SIPA1L3: variants seen among roughly 807,000 people sequenced by gnomAD.
SIPA1L3 encodes signal-induced proliferation-associated 1-like protein 3.
Under a neutral mutation model 150.1 loss-of-function variants are expected in SIPA1L3, and 59 were observed. That is an observed-to-expected ratio of 0.39 (90% CI 0.32 to 0.49). The LOEUF (loss-of-function observed/expected upper bound fraction) is 0.49. SIPA1L3 is among the 20% of genes least tolerant of loss of function. The pLI, the probability that SIPA1L3 is intolerant of heterozygous loss-of-function variation, is 0.86. For missense variants in SIPA1L3, 2,211 were observed against 2,489.5 expected (o/e 0.89, Z 2.38); for synonymous variants, 1,070 against 1,077.6 (o/e 0.99, Z 0.14).
intron 8 of SIPA1L3, among the ~76,000 whole-genome samples, 187 bp downstream of exon 8, chr19:38,110,571 G>C (rs949196109): frequency 1.3e-5 from 2 of 152,154 alleles, no homozygotes; most frequent in Non-Finnish European, 1.5e-5. Context: ...CCCCACTTTT[G>C]CTAAGGAAAC....
At chr19:37,974,783 C>A (rs928073860) in intron 1 of SIPA1L3, among the ~76,000 whole-genome samples, 2 of 152,196 alleles carry the variant, frequency 1.3e-5, no homozygotes, top group African/African-American at 4.8e-5. Context: ...CCAACAGCAC[C>A]ATCAGACACA....
chr19:37,916,156 A>C (rs1321010427), intron 1 of SIPA1L3, among the ~76,000 whole-genome samples: 2 of 151,840 alleles, frequency 1.3e-5, no homozygotes, highest in African/African-American at 4.8e-5. Context: ...CCTCCACAGT[A>C]GCTGGGATTA....
chr19:38,102,262 G>T (rs1970521643), intron 6 of SIPA1L3, among the ~76,000 whole-genome samples: 1 of 145,902 alleles, frequency 6.9e-6, no homozygotes, highest in African/African-American at 2.6e-5. Context: ...GGCCAGGTTG[G>T]TCTTGAACTG....
intron 1 of SIPA1L3, among the ~76,000 whole-genome samples, chr19:38,018,537 C>T (rs1402127286): frequency 1.3e-5 from 2 of 152,094 alleles, no homozygotes; most frequent in Non-Finnish European, 2.9e-5. Flanking sequence ...CTTTTGTGAC[C>T]GGCTTTCACT....
At chr19:38,091,801 T>C (rs1970265091) in intron 4 of SIPA1L3, among the ~76,000 whole-genome samples, 1 of 152,080 alleles carries the variant, frequency 6.6e-6, no homozygotes. Flanking sequence ...CTCACGTCTG[T>C]AATCCCAGCA....
At chr19:38,149,482 A>G (rs1312870444) in intron 12 of SIPA1L3, among the ~76,000 whole-genome samples, 1 of 152,220 alleles carries the variant, frequency 6.6e-6, no homozygotes, top group Non-Finnish European at 1.5e-5. Flanking sequence ...GAAACAAGGT[A>G]AAATATGCCC....
At chr19:37,983,974 A>C (rs899130997) in intron 1 of SIPA1L3, among the ~76,000 whole-genome samples, 1 of 152,130 alleles carries the variant, frequency 6.6e-6, no homozygotes, top group Non-Finnish European at 1.5e-5. Flanking sequence ...CTGATCAGTA[A>C]GCTTGCTTCA....
At chr19:38,014,971 C>T (rs1490518013) in intron 1 of SIPA1L3, among the ~76,000 whole-genome samples, 1 of 151,058 alleles carries the variant, frequency 6.6e-6, no homozygotes, top group African/African-American at 2.4e-5. Flanking sequence ...GCCTGGCAGC[C>T]CAGCTAATTT....
chr19:38,007,966 A>G (rs1297189524), intron 1 of SIPA1L3, among the ~76,000 whole-genome samples: 4 of 151,946 alleles, frequency 2.6e-5, no homozygotes, highest in Admixed American at 2.6e-4. Context: ...GAAGGCAGGG[A>G]TCTTTGTCTT....
intron 1 of SIPA1L3, among the ~76,000 whole-genome samples, chr19:38,013,788 C>T (rs907074879): frequency 6.6e-6 from 1 of 152,208 alleles, no homozygotes; most frequent in Non-Finnish European, 1.5e-5. Flanking sequence ...AAAACAAATG[C>T]CCATTTTTCA....
intron 9 of SIPA1L3, among the ~76,000 whole-genome samples, chr19:38,128,615 GGCCGGGCGCAGTGGCTCAC>G (rs140150768): frequency 0.026 from 3,945 of 152,250 alleles, 163 homozygotes; most frequent in African/African-American, 0.09. Flanking sequence ...TTCTTTCCTT[GGCCGGGCGCAGTGGCTCAC>G]GCCTGTAATC....
rs1055808771 is a variant in SIPA1L3 at position 38,206,475 on chromosome 19, G to C, written c.*235G>C. On this transcript the variant is annotated 3_prime_UTR_variant, in exon 22 of 22. Transcript: ENST00000222345. ...AGGCCTCCCTCCAAGCTGCCCAGCT[G>C]TGGTCCCGGTGAGCTGGGCTGTGCT... 16 of 491,334 alleles carry C rather than the reference G, an allele frequency of 3.3e-5. No individual in the cohort carries two copies. The South Asian group carries it at 4.6e-4, about 14-fold the overall frequency. 30.4% of individuals were successfully genotyped at this position (491,334 alleles called of 1,614,324 possible). A position where few individuals can be genotyped will look rare whatever the true frequency, so the allele number is the denominator to read the frequency against.
At chr19:38,136,859 C>T (rs190303745) in intron 10 of SIPA1L3, among the ~76,000 whole-genome samples, 1 of 152,136 alleles carries the variant, frequency 6.6e-6, no homozygotes, top group Non-Finnish European at 1.5e-5. Context: ...TTCCAGAGCC[C>T]CAAGGTGGTT....
chr19:37,922,132 C>T (rs577510222), intron 1 of SIPA1L3, among the ~76,000 whole-genome samples: 11 of 151,968 alleles, frequency 7.2e-5, no homozygotes, highest in Non-Finnish European at 1.2e-4. Context: ...TCACCCAGGC[C>T]GGAGTGAACT....
rs564085650 is a variant in SIPA1L3 at position 38,160,072 on chromosome 19, C to T, written c.3662-2181C>T. Among the ~76,000 whole-genome samples the T allele has an allele frequency of 6.2e-4, 95 of 152,104 alleles. 1 individual carries two copies. Among genetic ancestry groups the T allele is most frequent in the Admixed American group, 1.0e-3 (16 of 15,266 alleles). ...TGTTGCCCAGGATGGAGTGTAATGGCGCGATCTCGGCTCACTGCAGCCTCC... is the reference window on the plus strand; with the variant it reads ...TGTTGCCCAGGATGGAGTGTAATGGTGCGATCTCGGCTCACTGCAGCCTCC... On this transcript the variant is annotated intron_variant, in intron 13 of 21. Transcript: ENST00000222345.
At chr19:37,920,347 C>A (rs116690013) in intron 1 of SIPA1L3, among the ~76,000 whole-genome samples, 103 of 152,264 alleles carry the variant, frequency 6.8e-4, no homozygotes, top group African/African-American at 2.4e-3. Context: ...ATGAGCCCAC[C>A]ATGCCCAACC....
chr19:38,022,343 G>A (rs574123964), intron 1 of SIPA1L3, among the ~76,000 whole-genome samples: 3 of 152,292 alleles, frequency 2.0e-5, no homozygotes, highest in South Asian at 2.1e-4. Context: ...CGGGAGGATC[G>A]CTTGAGCTCA....
chr19:38,136,461 G>A lies in SIPA1L3; in HGVS notation c.3144-4723G>A, dbSNP rs188860404. ...TCTACTAAAAATACAAAATGTAGCC[G>A]GGCATGGTGGCAGGCGCCTGTAATC... On this transcript the variant is annotated intron_variant, in intron 10 of 21. Coordinates refer to ENST00000222345, the MANE Select transcript of SIPA1L3 (RefSeq NM_015073.3). Among the ~76,000 whole-genome samples the A allele has an allele frequency of 7.9e-5, 12 of 152,074 alleles. No individual in the cohort carries two copies. In the East Asian group the frequency reaches 1.5e-3, roughly 20 times the overall value.
At chr19:38,157,833 G>T (rs192150776) in intron 13 of SIPA1L3, among the ~76,000 whole-genome samples, 6 of 152,202 alleles carry the variant, frequency 3.9e-5, no homozygotes. Context: ...CAGGGATACC[G>T]GGTGAGCCAG....
Sources: gnomAD v4.1 joint callset for allele counts (sites outside exome capture counted in the v4.1 genomes callset) on GRCh38, gnomAD v4.1.1 for gene constraint, MANE v1.5 for transcripts, NCBI Gene and HGNC (gene_info 2026-07-23, HGNC 2026-07-21) for gene names.